DEPDC7: variants seen among roughly 807,000 people sequenced by gnomAD.
DEPDC7 encodes DEP domain-containing protein 7.
DEPDC7 carries 41 observed loss-of-function variants against 56.6 expected under a neutral mutation model. That is an observed-to-expected ratio of 0.72 (90% CI 0.56 to 0.94). The LOEUF is 0.94. Ranked by LOEUF, DEPDC7 falls within the 40% of genes least tolerant of loss-of-function variation. The pLI, the probability that DEPDC7 is intolerant of heterozygous loss-of-function variation, is 0.00. For missense variants in DEPDC7, 522 were observed against 596.3 expected (o/e 0.88, Z 1.30); for synonymous variants, 185 against 208.8 (o/e 0.89, Z 0.98).
At chr11:33,028,854 A>T (rs1853605173) in intron 4 of DEPDC7, 62 bp downstream of exon 4, 5 of 1,291,940 alleles carry the variant, frequency 3.9e-6, no homozygotes, top group African/African-American at 1.5e-5. Flanking sequence ...TAATGGTTTT[A>T]AGGTAATCTG....
intron 1 of DEPDC7, among the ~76,000 whole-genome samples, chr11:33,023,652 C>G (rs1464366395): frequency 6.6e-6 from 1 of 152,156 alleles, no homozygotes; most frequent in Non-Finnish European, 1.5e-5. Context: ...TCTGCCTCAG[C>G]CTCCTGAGTA....
At chr11:33,030,238 G>T (rs4460780) in intron 4 of DEPDC7, among the ~76,000 whole-genome samples, 1 of 152,036 alleles carries the variant, frequency 6.6e-6, no homozygotes, top group East Asian at 1.9e-4. Flanking sequence ...GATTACAGGC[G>T]TGAGCCACTG....
rs527738096 is a variant in DEPDC7 at position 33,031,071 on chromosome 11, C to T, written c.783-307C>T. Among the ~76,000 whole-genome samples, 222 of 152,244 alleles carry T rather than the reference C, an allele frequency of 1.5e-3. 2 individuals carry two copies. The highest frequency in any genetic ancestry group is 5.1e-3 in the African/African-American group (210 of 41,530). The stretch of plus-strand genomic sequence containing the variant: ...TAACTTGGAGTTTCTGGGTCTCCAT[C>T]GTAAATGTGAAGAGCAAGAGTAGAG... On this transcript the variant is annotated intron_variant, in intron 4 of 8. Transcript: ENST00000241051.
chr11:33,027,930 C>T, intron 3 of DEPDC7, 117 bp downstream of exon 3: 1 of 1,058,890 alleles, frequency 9.4e-7, no homozygotes, highest in Admixed American at 3.7e-5. Context: ...AAAGAGTGCA[C>T]TATGTATTAA....
chr11:33,029,876 A>G (rs1212304771), intron 4 of DEPDC7, among the ~76,000 whole-genome samples: 1 of 152,264 alleles, frequency 6.6e-6, no homozygotes, highest in Non-Finnish European at 1.5e-5. Context: ...TATATGAAAA[A>G]GTTAATCCCA....
chr11:33,019,360 C>T (rs1372298127), intron 1 of DEPDC7, among the ~76,000 whole-genome samples: 1 of 152,052 alleles, frequency 6.6e-6, no homozygotes, highest in Non-Finnish European at 1.5e-5. Context: ...CTGGGTTAAC[C>T]TTCCTTTAAA....
chr11:33,031,702 T>G, intron 5 of DEPDC7, 113 bp downstream of exon 5: 1 of 810,884 alleles, frequency 1.2e-6, no homozygotes, highest in Non-Finnish European at 1.9e-6. Flanking sequence ...GGATCTGGAT[T>G]AATTCATGGA....
In DEPDC7 at chr11:33,015,930, G is replaced by T. The variant is rs747780697; in HGVS notation, c.-26G>T. 6.4e-7 allele frequency: 1 copy of T among 1,561,212 alleles called. No individual in the cohort carries two copies. The highest frequency in any genetic ancestry group is 8.7e-7 in the Non-Finnish European group (1 of 1,153,464). On this transcript the variant is annotated 5_prime_UTR_variant, in exon 1 of 9. Coordinates refer to ENST00000241051, the MANE Select transcript of DEPDC7 (RefSeq NM_001077242.2). ...CTAGGGAGCTGTGAAGCTGCTGGAGGAGTTGGCGTCCGGGGAGCAAGGGCC... is the reference window on the plus strand; with the variant it reads ...CTAGGGAGCTGTGAAGCTGCTGGAGTAGTTGGCGTCCGGGGAGCAAGGGCC...
At chr11:33,029,778 A>G (rs1317056065) in intron 4 of DEPDC7, among the ~76,000 whole-genome samples, 2 of 152,268 alleles carry the variant, frequency 1.3e-5, no homozygotes, top group Non-Finnish European at 2.9e-5. Context: ...AAGGAATACA[A>G]TTACATTTTC....
intron 1 of DEPDC7, among the ~76,000 whole-genome samples, chr11:33,023,516 G>A (rs1027242987): frequency 3.9e-5 from 6 of 152,212 alleles, no homozygotes; most frequent in African/African-American, 1.4e-4. Context: ...TGGCTCTAGT[G>A]CACTAAGAGG....
chr11:33,028,894 T>C (rs1272804317), intron 4 of DEPDC7, 102 bp downstream of exon 4: 4 of 772,980 alleles, frequency 5.2e-6, no homozygotes, highest in Non-Finnish European at 7.6e-6. Context: ...GGATCAGATA[T>C]GCATTGTTAG....
Position 33,027,749 on chromosome 11 carries a change from A to T in DEPDC7, c.528A>T (p.Glu176Asp), listed in dbSNP as rs758004304. The change falls in exon 3 of 9, where the codon GAA becomes GAT. Residue 176 changes from glutamate to aspartate, a missense_variant. Glu to Asp is a conservative substitution (Grantham distance 45). Coordinates refer to ENST00000241051, the MANE Select transcript of DEPDC7 (RefSeq NM_001077242.2). ...IRSASLEDLW[E>D]NLSLKPANSP... ...CAGCCAGTTTAGAGGACCTGTGGGA[A>T]AATCTGAGTTTAAAGCCTGCCAACT... is the stretch of plus-strand genomic sequence containing the variant. The T allele has an allele frequency of 1.9e-6, 3 of 1,577,802 alleles. No individual in the cohort carries two copies. The highest frequency in any genetic ancestry group is 2.6e-6 in the Non-Finnish European group (3 of 1,167,004).
intron 1 of DEPDC7, chr11:33,016,515 T>A (rs1200264922): frequency 1.2e-6 from 2 of 1,613,452 alleles, no homozygotes; most frequent in Non-Finnish European, 1.7e-6. Flanking sequence ...AGTCAGCTTG[T>A]CTCCCCAGAC....
At chr11:33,029,008 C>T (rs1481269242) in intron 4 of DEPDC7, among the ~76,000 whole-genome samples, 1 of 138,446 alleles carries the variant, frequency 7.2e-6, no homozygotes, top group Non-Finnish European at 1.6e-5. Context: ...TCACATGTAA[C>T]TTGCACATTA....
At position 33,016,900 on chromosome 11, in the gene DEPDC7, C is replaced by G. The variant is rs1281575332; in HGVS notation, c.73+872C>G. ...GTTAAGTTACAACTTTTTCCCCTTT[C>G]TGGAGCTCCAGTCTGGGATGTCGTA... On this transcript the variant is annotated intron_variant, in intron 1 of 8. Transcript: ENST00000241051. Among the ~76,000 whole-genome samples, 3 of 152,188 alleles carry G rather than the reference C, an allele frequency of 2.0e-5. No individual in the cohort carries two copies. The East Asian group carries it at 5.8e-4, about 29-fold the overall frequency.
rs568322922 is a variant in DEPDC7, at chr11:33,030,105, G to A, written c.783-1273G>A. Among the ~76,000 whole-genome samples, 26 of 152,118 alleles carry A rather than the reference G, an allele frequency of 1.7e-4. No individual in the cohort carries two copies. The South Asian group carries it at 3.3e-3, about 19-fold the overall frequency. ...CTCCCAAGTAGCTGGAACTACAGGC[G>A]CACGCCACCATGCCTGGCTGATTTT... On this transcript the variant is annotated intron_variant, in intron 4 of 8. Coordinates refer to ENST00000241051, the MANE Select transcript of DEPDC7 (RefSeq NM_001077242.2).
At chr11:33,017,746 C>T (rs1314303600) in intron 1 of DEPDC7, among the ~76,000 whole-genome samples, 1 of 152,188 alleles carries the variant, frequency 6.6e-6, no homozygotes, top group African/African-American at 2.4e-5. Flanking sequence ...TTTTGTTTCT[C>T]CACCGATTAG....
intron 1 of DEPDC7, among the ~76,000 whole-genome samples, chr11:33,025,313 C>T (rs1159800863): frequency 1.3e-5 from 2 of 152,130 alleles, no homozygotes; most frequent in African/African-American, 4.8e-5. Context: ...TCCTGACATC[C>T]CATTTAAAGT....
intron 1 of DEPDC7, chr11:33,016,339 G>T: frequency 7.1e-7 from 1 of 1,401,972 alleles, no homozygotes; most frequent in Non-Finnish European, 9.2e-7. Flanking sequence ...GCACGCGCCG[G>T]GGAGCTCCGG....
Sources: gnomAD v4.1 joint callset for allele counts (sites outside exome capture counted in the v4.1 genomes callset) on GRCh38, gnomAD v4.1.1 for gene constraint, MANE v1.5 for transcripts, NCBI Gene and HGNC (gene_info 2026-07-23, HGNC 2026-07-21) for gene names.